The following KIZ variants were observed in gnomAD, a reference collection of about 807,000 sequenced individuals.
The protein encoded by KIZ is centrosomal protein kizuna.
A neutral mutation model predicts 79.6 loss-of-function variants in KIZ; 68 were observed. The observed-to-expected ratio is 0.85, with a 90% CI of 0.70 to 1.05. The LOEUF is 1.05. KIZ is among the 50% of genes least tolerant of loss of function. The pLI, the probability that KIZ is intolerant of heterozygous loss-of-function variation, is 0.00. For synonymous variants in KIZ, 280 were observed against 281.8 expected, an observed-to-expected ratio of 0.99 and a Z score of 0.06; for missense variants, 797 against 800.4, an observed-to-expected ratio of 1.00 and a Z score of 0.05.
chr20:21,129,352 A>G (rs933374734), intron 1 of KIZ, among the ~76,000 whole-genome samples: 2 of 152,200 alleles, frequency 1.3e-5, no homozygotes, highest in African/African-American at 2.4e-5. Flanking sequence ...TACATTCATT[A>G]CTAAGAAGAA....
At chr20:21,245,744 A>G (rs1056438638) in intron 12 of KIZ, 1 of 152,258 alleles carries the variant, frequency 6.6e-6, no homozygotes, top group Non-Finnish European at 1.5e-5. Flanking sequence ...AGCCCTCACA[A>G]GGCAGCCCAA....
rs761233270 is a variant in KIZ at position 21,162,999 on chromosome 20, C to A, written c.1192C>A (p.Pro398Thr). 1.2e-5 allele frequency: 19 copies of A among 1,613,722 alleles called. No individual in the cohort carries two copies. Among genetic ancestry groups the A allele is most frequent in the Admixed American group, 1.7e-5 (1 of 59,972 alleles). The change falls in exon 6 of 13, where the codon CCA (proline) becomes ACA (threonine). Residue 398 changes from proline (P) to threonine (T), a missense_variant. Physicochemically the swap from Pro to Thr is conservative, Grantham distance 38 (BLOSUM62 -1). Transcript: ENST00000619189. Reference protein sequence around the residue: ...ILESPEPQPNPGGKMEGEDGI... With the variant: ...ILESPEPQPNTGGKMEGEDGI... ...AGAGAGCCCAGAACCACAGCCAAAT[C>A]CAGGTGGCAAGATGGAGGGAGAAGA... is the stretch of plus-strand genomic sequence containing the variant.
intron 3 of KIZ, among the ~76,000 whole-genome samples, chr20:21,142,906 C>T (rs2032646024): frequency 6.6e-6 from 1 of 152,150 alleles, no homozygotes. Flanking sequence ...GTCTTTTGAA[C>T]TCTGATTTGG....
At chr20:21,181,068 G>T (rs1364565068) in intron 6 of KIZ, among the ~76,000 whole-genome samples, 1 of 152,232 alleles carries the variant, frequency 6.6e-6, no homozygotes, top group African/African-American at 2.4e-5. Flanking sequence ...CTAGTTGAAG[G>T]AGATTCATCA....
At chr20:21,177,729 C>T (rs2034493869) in intron 6 of KIZ, among the ~76,000 whole-genome samples, 1 of 151,908 alleles carries the variant, frequency 6.6e-6, no homozygotes, top group Admixed American at 6.6e-5. Context: ...TATTTAAATC[C>T]TTAATTCATT....
intron 6 of KIZ, among the ~76,000 whole-genome samples, chr20:21,176,664 A>C (rs1600460492): frequency 6.6e-6 from 1 of 152,210 alleles, no homozygotes; most frequent in African/African-American, 2.4e-5. Flanking sequence ...CTAGGAATTT[A>C]AAATAACTGA....
intron 11 of KIZ, among the ~76,000 whole-genome samples, chr20:21,235,832 C>T (rs556207412): frequency 2.0e-5 from 3 of 152,244 alleles, no homozygotes; most frequent in Non-Finnish European, 4.4e-5. Context: ...GCCACCAGAG[C>T]GGCCAGTGGA....
intron 9 of KIZ, among the ~76,000 whole-genome samples, chr20:21,225,662 C>G (rs540235372): frequency 1.3e-5 from 2 of 152,190 alleles, no homozygotes; most frequent in Admixed American, 1.3e-4. Flanking sequence ...AGAGCAGCAA[C>G]AAAGTGGAGC....
intron 6 of KIZ, among the ~76,000 whole-genome samples, chr20:21,181,021 C>T (rs1245590461): frequency 5.9e-5 from 9 of 152,188 alleles, no homozygotes; most frequent in Admixed American, 5.9e-4. Context: ...TATTATACAG[C>T]AGTAGGTAAC....
intron 9 of KIZ, chr20:21,226,031 C>G (rs938744701): frequency 1.3e-5 from 2 of 152,198 alleles, no homozygotes; most frequent in Non-Finnish European, 2.9e-5. Flanking sequence ...GTTCTTGTAC[C>G]ACTTTCAGTG....
intron 4 of KIZ, among the ~76,000 whole-genome samples, chr20:21,150,446 C>T (rs1219956438): frequency 1.3e-5 from 2 of 152,212 alleles, no homozygotes; most frequent in East Asian, 1.9e-4. Flanking sequence ...TCTCCCTAGA[C>T]GGGGGCTCTG....
chr20:21,224,256 G>A (rs1434013880), intron 9 of KIZ, among the ~76,000 whole-genome samples: 5 of 152,240 alleles, frequency 3.3e-5, no homozygotes, highest in Non-Finnish European at 7.3e-5. Flanking sequence ...TGGGATTACA[G>A]GCTTGAGCCA....
rs372137767 is a variant in KIZ, at chr20:21,238,221, T to G, written c.1880+5391T>G. On this transcript the variant is annotated intron_variant, in intron 11 of 12. Coordinates refer to ENST00000619189, the MANE Select transcript of KIZ (RefSeq NM_018474.6). ...GCTCCACCATTCACTCTAGTTTGTT[T>G]TTTTTTTTTTTAAATAAAAGTCAGT... is the stretch of plus-strand genomic sequence containing the variant. 6.8e-3 allele frequency among the ~76,000 whole-genome samples: 1,033 copies of G among 151,920 alleles called. 15 individuals carry two copies. Among genetic ancestry groups the G allele is most frequent in the African/African-American group, 0.024 (997 of 41,442 alleles).
chr20:21,220,925 T>C (rs140785569), intron 9 of KIZ, among the ~76,000 whole-genome samples: 11 of 152,328 alleles, frequency 7.2e-5, no homozygotes, highest in African/African-American at 2.4e-4. Flanking sequence ...TTCCTTTCTC[T>C]TGGGTTAGGC....
chr20:21,158,932 A>G (rs568582807), intron 4 of KIZ, among the ~76,000 whole-genome samples: 12 of 151,832 alleles, frequency 7.9e-5, no homozygotes, highest in Non-Finnish European at 1.6e-4. Flanking sequence ...AGCTGGGACC[A>G]CAGGTGTGTG....
intron 10 of KIZ, among the ~76,000 whole-genome samples, chr20:21,229,791 G>C (rs1340807806): frequency 6.6e-6 from 1 of 152,108 alleles, no homozygotes; most frequent in African/African-American, 2.4e-5. Context: ...GCTCAGGCTG[G>C]TCTCAAACTC....
At chr20:21,180,252 TTAA>T (rs1486047453) in intron 6 of KIZ, among the ~76,000 whole-genome samples, 1 of 151,926 alleles carries the variant, frequency 6.6e-6, no homozygotes, top group African/African-American at 2.4e-5. Flanking sequence ...TTTTTTTTTT[TTAA>T]TAAGGAAATT....
intron 1 of KIZ, among the ~76,000 whole-genome samples, chr20:21,131,113 C>A (rs1270392161): frequency 2.0e-5 from 3 of 152,232 alleles, no homozygotes; most frequent in Non-Finnish European, 4.4e-5. Flanking sequence ...ATGGAACCCT[C>A]TGTGGCTAAT....
chr20:21,143,800 C>G (rs540726714), intron 3 of KIZ, among the ~76,000 whole-genome samples: 2 of 151,998 alleles, frequency 1.3e-5, no homozygotes, highest in Non-Finnish European at 2.9e-5. Context: ...CTCTGGAGAG[C>G]GCTGTGGAAA....
Sources: gnomAD v4.1 joint callset for allele counts (sites outside exome capture counted in the v4.1 genomes callset) on GRCh38, gnomAD v4.1.1 for gene constraint, MANE v1.5 for transcripts, NCBI Gene and HGNC (gene_info 2026-07-23, HGNC 2026-07-21) for gene names.